Variants in GABRG2 observed in about 807,000 individuals in gnomAD.
GABRG2 encodes gamma-aminobutyric acid type A receptor subunit gamma2.
A neutral mutation model predicts 56.4 loss-of-function variants in GABRG2; 16 were observed. The observed-to-expected ratio is 0.28, with a 90% CI of 0.19 to 0.43. The LOEUF is 0.43. Among genes scored for constraint, GABRG2 ranks in the 20% least tolerant of loss-of-function variants. The probability of loss-of-function intolerance (pLI) is 1.00; values close to 1 mark genes in which losing one functional copy is unlikely to be tolerated. For synonymous variants in GABRG2, 208 were observed against 205.5 expected (o/e 1.01, Z -0.10); for missense variants, 327 against 582.7 (o/e 0.56, Z 4.52).
In GABRG2 at chr5:162,094,039, A is replaced by T. The variant is rs78369083; in HGVS notation, c.259+60A>T. ...GGAGCACATAAACATGTCTACTTTA[A>T]TAGATAAAACATCAGTGTAGTTCAA... On this transcript the variant is annotated intron_variant, in intron 2 of 9. Transcript: ENST00000639213. The T allele has an allele frequency of 1.6e-3, 2,480 of 1,549,170 alleles. 35 individuals are homozygous for T. In the African/African-American group the frequency reaches 0.03, roughly 19 times the overall value.
At chr5:162,092,051 T>G (rs143220894) in intron 1 of GABRG2, among the ~76,000 whole-genome samples, 1 of 152,270 alleles carries the variant, frequency 6.6e-6, no homozygotes, top group Non-Finnish European at 1.5e-5. Context: ...AAAATTACTT[T>G]ACCAGAGAGC....
intron 1 of GABRG2, among the ~76,000 whole-genome samples, chr5:162,073,510 A>C (rs1037198549): frequency 1.9e-4 from 29 of 151,904 alleles, no homozygotes; most frequent in African/African-American, 7.0e-4. Context: ...GTTTTCTTAC[A>C]AAAATTCTTA....
chr5:162,121,431 A>G (rs1005867806), intron 6 of GABRG2, among the ~76,000 whole-genome samples: 8 of 152,010 alleles, frequency 5.3e-5, no homozygotes, highest in African/African-American at 1.7e-4. Context: ...CAGTTGGCAG[A>G]CTCTAGTTCA....
chr5:162,121,457 G>C (rs1396712870), intron 6 of GABRG2, among the ~76,000 whole-genome samples: 3 of 151,880 alleles, frequency 2.0e-5, no homozygotes, highest in Non-Finnish European at 4.4e-5. Context: ...AAGGAGCTTT[G>C]GATCTATTTT....
At chr5:162,109,776 G>A (rs1762128440) in intron 6 of GABRG2, among the ~76,000 whole-genome samples, 1 of 151,924 alleles carries the variant, frequency 6.6e-6, no homozygotes, top group Non-Finnish European at 1.5e-5. Flanking sequence ...TGTTGCCACG[G>A]CCAGCTCATC....
chr5:162,094,127 C>G (rs1760822939), intron 2 of GABRG2, 148 bp downstream of exon 2: 1 of 827,576 alleles, frequency 1.2e-6, no homozygotes, highest in Admixed American at 2.1e-5. Flanking sequence ...AAATAGCATT[C>G]AGGCCTATGA....
intron 6 of GABRG2, among the ~76,000 whole-genome samples, chr5:162,131,944 T>C (rs912052892): frequency 6.7e-6 from 1 of 149,368 alleles, no homozygotes; most frequent in African/African-American, 2.4e-5. Flanking sequence ...AGTGAAATAT[T>C]CTAATAGTAA....
chr5:162,075,655 A>T (rs933654951), intron 1 of GABRG2, among the ~76,000 whole-genome samples: 6 of 151,960 alleles, frequency 3.9e-5, no homozygotes, highest in African/African-American at 1.5e-4. Context: ...TAAAAATTGC[A>T]CTCATTTTCC....
rs772800839 is a variant in GABRG2 at position 162,097,663 on chromosome 5, C to T, written c.353C>T (p.Ala118Val). 2.1e-5 allele frequency: 34 copies of T among 1,612,560 alleles called. No individual in the cohort carries two copies. The highest frequency in any genetic ancestry group is 2.5e-5 in the Non-Finnish European group (29 of 1,178,960). The change falls in exon 4 of 10, where the codon GCG becomes GTG. Residue 118 changes from alanine to valine, a missense_variant. Ala to Val is a moderately conservative substitution (Grantham distance 64, BLOSUM62 0). Coordinates refer to ENST00000639213, the MANE Select transcript of GABRG2 (RefSeq NM_198904.4). ...GAATACACTATTGATATATTTTTTG[C>T]GCAAACGTGGTATGACAGACGTTTG... ...NMEYTIDIFF[A>V]QTWYDRRLKF...
rs541243467 is a variant in GABRG2 at position 162,100,332 on chromosome 5, T to G, written c.549-903T>G. 7 of 152,272 alleles carry G rather than the reference T, an allele frequency of 4.6e-5. No homozygotes were observed. The East Asian group carries it at 1.2e-3, about 25-fold the overall frequency. The allele number at this position is 152,272 out of a possible 1,614,324, so 9.4% of individuals were successfully genotyped here. ...AATTAGAAAATCTCTTAAAAATAAATTTTCCTAAAATAATACTTTCCTTAC... is the reference window on the plus strand; with the variant it reads ...AATTAGAAAATCTCTTAAAAATAAAGTTTCCTAAAATAATACTTTCCTTAC... On this transcript the variant is annotated intron_variant, in intron 4 of 9. Coordinates refer to ENST00000639213, the MANE Select transcript of GABRG2 (RefSeq NM_198904.4).
chr5:162,142,480 C>A, intron 7 of GABRG2, 164 bp downstream of exon 7: 1 of 743,454 alleles, frequency 1.3e-6, no homozygotes, highest in Non-Finnish European at 2.2e-6. Context: ...TTCACAATAG[C>A]AAAGACTTGG....
rs980021783 is a variant in GABRG2, at chr5:162,103,262, A to G, written c.632-627A>G. 9.1e-5 allele frequency: 14 copies of G among 154,550 alleles called. No individual in the cohort carries two copies. In the East Asian group the frequency reaches 2.7e-3, roughly 30 times the overall value. The allele number at this position is 154,550 out of a possible 1,614,324, so 9.6% of individuals were successfully genotyped here. A position where few individuals can be genotyped will look rare whatever the true frequency, so the allele number is the denominator to read the frequency against. ...TCACCTCCCCAGTGTGATGTCTTCA[A>G]TGAATACTCTCTGTTCTATTAGTAC... On this transcript the variant is annotated intron_variant, in intron 5 of 9. Transcript: ENST00000639213.
intron 9 of GABRG2, 113 bp downstream of exon 9, chr5:162,151,866 A>G: frequency 1.1e-6 from 1 of 922,180 alleles, no homozygotes; most frequent in Middle Eastern, 2.4e-4. Flanking sequence ...ATTCTACTAG[A>G]GATAATATGT....
intron 6 of GABRG2, among the ~76,000 whole-genome samples, chr5:162,105,432 C>CTTTTTTTTTTTTTTTT (rs533258756): frequency 6.7e-5 from 7 of 104,134 alleles, no homozygotes; most frequent in East Asian, 3.0e-4. Flanking sequence ...GTAGAACAAT[C>CTTTTTTTTTTTTTTTT]TTTTTTTTTT....
rs1405104778 is a variant in GABRG2, at chr5:162,068,124, T to A, written c.107+18T>A. 1 of 1,587,654 alleles carries A rather than the reference T, an allele frequency of 6.3e-7. No homozygotes were observed. The highest frequency in any genetic ancestry group is 1.7e-5 in the Admixed American group (1 of 59,860). On this transcript the variant is annotated intron_variant, in intron 1 of 9. Transcript: ENST00000639213. ...TACCCTGGGTAAGATGTGCCCTTTT[T>A]GGCGTCGTTTTGTTCTGAAGAGGTG...
rs1248515418 is a variant in GABRG2 at position 162,154,317 on chromosome 5, G to T, written c.*949G>T. The T allele has an allele frequency of 1.3e-5, 2 of 152,116 alleles. No homozygotes were observed. Among genetic ancestry groups the T allele is most frequent in the African/African-American group, 4.8e-5 (2 of 41,440 alleles). The allele number at this position is 152,116 out of a possible 1,614,324, so 9.4% of individuals were successfully genotyped here. A position where few individuals can be genotyped will look rare whatever the true frequency, so the allele number is the denominator to read the frequency against. On this transcript the variant is annotated 3_prime_UTR_variant, in exon 10 of 10. Transcript: ENST00000639213. ...CTCCATCTCAAGATCTGCTTCTAGT[G>T]ATTGTGAGTGCCTTGTGGGCAGAAT...
intron 1 of GABRG2, among the ~76,000 whole-genome samples, chr5:162,085,687 T>G (rs1034220555): frequency 1.3e-5 from 2 of 151,650 alleles, no homozygotes; most frequent in Non-Finnish European, 3.0e-5. Flanking sequence ...GGTATTAAGC[T>G]TGGTGCCCAT....
chr5:162,085,157 G>C (rs1466326569), intron 1 of GABRG2, among the ~76,000 whole-genome samples: 1 of 151,820 alleles, frequency 6.6e-6, no homozygotes, highest in Non-Finnish European at 1.5e-5. Context: ...TTCATTATAT[G>C]CATATGCCAT....
At chr5:162,128,521 G>A (rs1173544335) in intron 6 of GABRG2, 1 of 151,950 alleles carries the variant, frequency 6.6e-6, no homozygotes, top group Non-Finnish European at 1.5e-5. Flanking sequence ...GGAAACATGA[G>A]CATTTGCAAA....
Sources: allele counts gnomAD v4.1 joint callset (sites outside exome capture counted in the v4.1 genomes callset), GRCh38; gene constraint gnomAD v4.1.1; transcripts MANE v1.5; gene names NCBI Gene and HGNC (gene_info 2026-07-23, HGNC 2026-07-21).